The following CEP350 variants were observed in gnomAD, a reference collection of about 807,000 sequenced individuals.
The protein encoded by CEP350 is centrosome-associated protein 350.
A neutral mutation model predicts 331.8 loss-of-function variants in CEP350; 126 were observed. That is an observed-to-expected ratio of 0.38 (90% CI 0.33 to 0.44). The LOEUF is 0.44. Among genes scored for constraint, CEP350 ranks in the 20% least tolerant of loss-of-function variants. The pLI is 1.00. For missense variants in CEP350, 3,406 were observed against 3,634.6 expected, an observed-to-expected ratio of 0.94 and a Z score of 1.62; for synonymous variants, 1,200 against 1,259.5, an observed-to-expected ratio of 0.95 and a Z score of 1.00.
intron 33 of CEP350, among the ~76,000 whole-genome samples, chr1:180,091,610 C>A (rs372745335): frequency 5.9e-5 from 9 of 152,110 alleles, no homozygotes; most frequent in African/African-American, 2.2e-4. Flanking sequence ...GTAGGCAGGT[C>A]ACTTGAGCTC....
intron 6 of CEP350, among the ~76,000 whole-genome samples, chr1:179,999,131 T>A (rs1218005738): frequency 3.3e-5 from 5 of 152,152 alleles, no homozygotes; most frequent in African/African-American, 1.2e-4. Flanking sequence ...AAGTATAGAT[T>A]ACATATTTAA....
rs1249442107 is a variant in CEP350 at position 180,113,962 on chromosome 1, G to A, written c.*2801G>A. On this transcript the variant is annotated 3_prime_UTR_variant, in exon 38 of 38. Transcript: ENST00000367607. ...GTTAACTCTGGGTTAAACAAGTACAGGGTATAGATTCCCTCTTCAGGTCTA... is the reference window on the plus strand; with the variant it reads ...GTTAACTCTGGGTTAAACAAGTACAAGGTATAGATTCCCTCTTCAGGTCTA... The A allele has an allele frequency of 6.6e-6, 1 of 152,524 alleles. No homozygotes were observed. Among genetic ancestry groups the A allele is most frequent in the Non-Finnish European group, 1.5e-5 (1 of 68,024 alleles). 9.4% of individuals were successfully genotyped at this position (152,524 alleles called of 1,614,324 possible). A position where few individuals can be genotyped will look rare whatever the true frequency, so the allele number is the denominator to read the frequency against.
At chr1:180,010,805 C>T (rs1439362315) in intron 8 of CEP350, among the ~76,000 whole-genome samples, 3 of 151,818 alleles carry the variant, frequency 2.0e-5, no homozygotes, top group African/African-American at 7.3e-5. Flanking sequence ...AAACAGGGTC[C>T]TGCTATGTTT....
At chr1:180,043,268 G>A (rs1049326947) in intron 20 of CEP350, 76 bp downstream of exon 20, 23 of 1,456,656 alleles carry the variant, frequency 1.6e-5, no homozygotes, top group Non-Finnish European at 2.0e-5. Context: ...TATGTAATGA[G>A]TATTTGTTGT....
chr1:180,054,559 A>T lies in CEP350; in HGVS notation c.5262+57A>T, dbSNP rs183455531. ...CTTATAAGGCAAGTTAGTTTGTGGA[A>T]TCTATTATTTTGCCTGATTTCTTTT... On this transcript the variant is annotated intron_variant, in intron 25 of 37. Coordinates refer to ENST00000367607, the MANE Select transcript of CEP350 (RefSeq NM_014810.5). 38 of 1,286,890 alleles carry T rather than the reference A, an allele frequency of 3.0e-5. No homozygotes were observed. In the East Asian group the frequency reaches 9.5e-4, roughly 32 times the overall value. The allele number at this position is 1,286,890 out of a possible 1,614,324, so 79.7% of individuals were successfully genotyped here. A position where few individuals can be genotyped will look rare whatever the true frequency, so the allele number is the denominator to read the frequency against.
At chr1:180,022,068 A>T (rs181290410) in intron 12 of CEP350, among the ~76,000 whole-genome samples, 25 of 152,298 alleles carry the variant, frequency 1.6e-4, no homozygotes, top group African/African-American at 5.8e-4. Context: ...CTTATGCTCA[A>T]CTGGGTATCA....
At chr1:180,006,637 T>C (rs958709924) in intron 8 of CEP350, 70 bp downstream of exon 8, 15 of 804,422 alleles carry the variant, frequency 1.9e-5, no homozygotes, top group African/African-American at 6.9e-5. Context: ...CTTTAAGTTT[T>C]GGGATACATG....
chr1:179,966,064 C>A (rs1326844135), intron 1 of CEP350, among the ~76,000 whole-genome samples: 1 of 152,128 alleles, frequency 6.6e-6, no homozygotes, highest in East Asian at 1.9e-4. Flanking sequence ...AAGGAGGAAG[C>A]TTACTTTACC....
At chr1:180,037,520 C>CCA (rs1017228366) in intron 17 of CEP350, among the ~76,000 whole-genome samples, 52 of 150,978 alleles carry the variant, frequency 3.4e-4, no homozygotes, top group African/African-American at 1.2e-3. Flanking sequence ...AAACAAAAAT[C>CCA]CAGAGATGGT....
At chr1:179,963,816 T>C (rs1441920341) in intron 1 of CEP350, among the ~76,000 whole-genome samples, 1 of 152,170 alleles carries the variant, frequency 6.6e-6, no homozygotes, top group Non-Finnish European at 1.5e-5. Flanking sequence ...TCAGGCTCTT[T>C]TTTGGTTCCA....
intron 27 of CEP350, among the ~76,000 whole-genome samples, chr1:180,067,720 G>A (rs1658628622): frequency 6.6e-6 from 1 of 152,096 alleles, no homozygotes; most frequent in Non-Finnish European, 1.5e-5. Context: ...ATGAACTAAA[G>A]TATTTTCCGA....
intron 25 of CEP350, 95 bp from the exon 26 acceptor site, chr1:180,062,125 T>G: frequency 8.7e-7 from 1 of 1,149,734 alleles, no homozygotes. Context: ...CTATATGTAT[T>G]TATTTTTAAT....
intron 22 of CEP350, among the ~76,000 whole-genome samples, chr1:180,050,677 A>G (rs1657434934): frequency 8.5e-6 from 1 of 117,172 alleles, no homozygotes; most frequent in Admixed American, 7.9e-5. Context: ...AAAAACCAAA[A>G]AAAAAAAAAA....
chr1:179,977,234 G>T (rs1005093653), intron 1 of CEP350, among the ~76,000 whole-genome samples: 4 of 152,204 alleles, frequency 2.6e-5, no homozygotes, highest in Admixed American at 1.3e-4. Context: ...AGGACTAGGG[G>T]ACTATGGGTG....
At position 180,093,780 on chromosome 1, in the gene CEP350, C is replaced by T. The variant is rs564004553; in HGVS notation, c.7675C>T (p.Pro2559Ser). ...ECKEKHGIFA[P>S]PQKISHIPEN... ...CAAAGAAAAGCATGGTATTTTTGCT[C>T]CTCCTCAAAAAATATCTCACATTCC... Residue 2559 changes from proline to serine, a missense_variant, in exon 34 of 38, where the codon CCT becomes TCT. Pro to Ser is a moderately conservative substitution (Grantham distance 74, BLOSUM62 -1). This residue lies in a region of CEP350 where 1,415 missense variants were observed against 1,512.3 expected (regional missense o/e 0.94). Coordinates refer to ENST00000367607, the MANE Select transcript of CEP350 (RefSeq NM_014810.5). 5 of 1,613,700 alleles carry T rather than the reference C, an allele frequency of 3.1e-6. No individual in the cohort carries two copies. The East Asian group carries it at 6.7e-5, about 22-fold the overall frequency.
chr1:180,004,884 TTGCTTGCTTG>T (rs1431792184), intron 7 of CEP350, among the ~76,000 whole-genome samples: 16 of 71,080 alleles, frequency 2.3e-4, no homozygotes, highest in East Asian at 2.2e-3. Flanking sequence ...GCTTGCTTGC[TTGCTTGCTTG>T]CTTGCTTGCT....
chr1:180,107,045 T>G (rs574539206), intron 37 of CEP350, among the ~76,000 whole-genome samples: 2 of 152,288 alleles, frequency 1.3e-5, no homozygotes, highest in East Asian at 3.9e-4. Flanking sequence ...TTTCTAAAAT[T>G]GATGTACCTG....
At chr1:180,015,476 C>T (rs59953116) in intron 10 of CEP350, among the ~76,000 whole-genome samples, 12,458 of 152,004 alleles carry the variant, frequency 0.082, 768 homozygotes, top group African/African-American at 0.18. Context: ...CCTCCTGATC[C>T]GCCCGCCTCG....
chr1:180,028,623 G>A (rs1655822507), intron 14 of CEP350, among the ~76,000 whole-genome samples: 1 of 152,076 alleles, frequency 6.6e-6, no homozygotes, highest in South Asian at 2.1e-4. Context: ...GGGCAACATG[G>A]TGAAGCCCTG....
Sources: gnomAD v4.1 joint callset for allele counts (sites outside exome capture counted in the v4.1 genomes callset) on GRCh38, gnomAD v4.1.1 for gene constraint, gnomAD v4.1.1 regional missense constraint, MANE v1.5 for transcripts, NCBI Gene and HGNC (gene_info 2026-07-23, HGNC 2026-07-21) for gene names.